Variants in MAML2 observed in about 807,000 individuals in gnomAD.
MAML2 encodes mastermind-like protein 2.
In MAML2, 22 loss-of-function variants were observed where a neutral mutation model predicts 96.1. The observed-to-expected ratio is 0.23, with a 90% CI of 0.16 to 0.33. The LOEUF (loss-of-function observed/expected upper bound fraction) is 0.33, where lower values mean the gene tolerates loss of function less well. MAML2 is among the 10% of genes least tolerant of loss of function. The probability of loss-of-function intolerance (pLI) is 1.00; values close to 1 mark genes in which losing one functional copy is unlikely to be tolerated. For missense variants in MAML2, 1,367 were observed against 1,392.4 expected (o/e 0.98, Z 0.29); for synonymous variants, 561 against 521.3 (o/e 1.08, Z -1.04).
chr11:96,195,851 C>T (rs183466298), intron 1 of MAML2, among the ~76,000 whole-genome samples: 14 of 152,276 alleles, frequency 9.2e-5, no homozygotes, highest in African/African-American at 3.1e-4. Flanking sequence ...CGACATGTTC[C>T]ACCATTTTTT....
intron 1 of MAML2, among the ~76,000 whole-genome samples, chr11:96,225,026 C>T (rs1228281378): frequency 1.3e-5 from 2 of 152,144 alleles, no homozygotes; most frequent in Non-Finnish European, 2.9e-5. Flanking sequence ...ACATGCAATT[C>T]ATGTAAATAC....
chr11:96,139,476 TAAA>T (rs1157206994), intron 1 of MAML2, among the ~76,000 whole-genome samples: 1 of 136,870 alleles, frequency 7.3e-6, no homozygotes, highest in Non-Finnish European at 1.6e-5. Flanking sequence ...GACTCTGTCT[TAAA>T]AAAAAAAAAA....
intron 1 of MAML2, among the ~76,000 whole-genome samples, chr11:96,094,273 C>T (rs1199096549): frequency 6.6e-6 from 1 of 152,196 alleles, no homozygotes; most frequent in African/African-American, 2.4e-5. Flanking sequence ...GTGTTAATTG[C>T]TTAGGCTCTG....
intron 1 of MAML2, among the ~76,000 whole-genome samples, chr11:96,148,116 C>T (rs1214299528): frequency 6.6e-6 from 1 of 152,208 alleles, no homozygotes; most frequent in Non-Finnish European, 1.5e-5. Context: ...TCTGTCACGT[C>T]GGGACATGTT....
intron 2 of MAML2, among the ~76,000 whole-genome samples, chr11:96,007,043 A>T (rs1316050528): frequency 1.4e-5 from 2 of 146,332 alleles, no homozygotes; most frequent in African/African-American, 2.5e-5. Context: ...TCACTCTGTC[A>T]CCAGGCTGGA....
At chr11:96,256,418 C>A (rs1267974874) in intron 1 of MAML2, among the ~76,000 whole-genome samples, 5 of 152,144 alleles carry the variant, frequency 3.3e-5, no homozygotes, top group Non-Finnish European at 7.3e-5. Context: ...TTTCTTCCTG[C>A]CCCACACACA....
chr11:96,133,601 G>T lies in MAML2; in HGVS notation c.514-40084C>A, dbSNP rs147647378. On this transcript the variant is annotated intron_variant, in intron 1 of 4. Coordinates refer to ENST00000524717, the MANE Select transcript of MAML2 (RefSeq NM_032427.4). ...AATATTAAAATATGGAATATTAATT[G>T]AAATATATTTTATGTTTTTAAGAAA... Among the ~76,000 whole-genome samples, 687 of 152,290 alleles carry T rather than the reference G, an allele frequency of 4.5e-3. 5 individuals are homozygous for T. Among genetic ancestry groups the T allele is most frequent in the Admixed American group, 0.01 (156 of 15,298 alleles).
intron 2 of MAML2, among the ~76,000 whole-genome samples, chr11:96,056,800 C>T (rs1859077642): frequency 6.6e-6 from 1 of 152,148 alleles, no homozygotes; most frequent in Non-Finnish European, 1.5e-5. Context: ...TGTAGGCTAC[C>T]ATTCACAATA....
At chr11:96,234,169 A>G (rs535190854) in intron 1 of MAML2, among the ~76,000 whole-genome samples, 1 of 152,310 alleles carries the variant, frequency 6.6e-6, no homozygotes, top group Non-Finnish European at 1.5e-5. Context: ...TGAGACATTG[A>G]ACACACCAAG....
At chr11:96,156,236 G>T (rs1247160831) in intron 1 of MAML2, among the ~76,000 whole-genome samples, 1 of 152,136 alleles carries the variant, frequency 6.6e-6, no homozygotes, top group Non-Finnish European at 1.5e-5. Flanking sequence ...CCCCTGCAAG[G>T]ACTGGAGATG....
chr11:96,131,172 G>A (rs1860542957), intron 1 of MAML2, among the ~76,000 whole-genome samples: 1 of 151,832 alleles, frequency 6.6e-6, no homozygotes, highest in South Asian at 2.1e-4. Flanking sequence ...GACATTCCTG[G>A]GAAAGAGAAC....
At chr11:96,091,536 T>C (rs1859705355) in intron 2 of MAML2, among the ~76,000 whole-genome samples, 1 of 152,178 alleles carries the variant, frequency 6.6e-6, no homozygotes, top group Non-Finnish European at 1.5e-5. Flanking sequence ...ACATGGTAGG[T>C]ACTCAGCAAG....
chr11:96,050,612 T>C (rs897826570), intron 2 of MAML2, among the ~76,000 whole-genome samples: 1 of 152,218 alleles, frequency 6.6e-6, no homozygotes, highest in African/African-American at 2.4e-5. Flanking sequence ...CTAGGCAACA[T>C]TGCATATGGT....
At chr11:96,121,085 G>GT (rs1227389270) in intron 1 of MAML2, among the ~76,000 whole-genome samples, 1 of 151,082 alleles carries the variant, frequency 6.6e-6, no homozygotes, top group Non-Finnish European at 1.5e-5. Context: ...CCAGAGTCAG[G>GT]GGGGAGTGAA....
intron 1 of MAML2, among the ~76,000 whole-genome samples, chr11:96,214,428 G>A (rs1862018768): frequency 1.3e-5 from 2 of 152,130 alleles, no homozygotes; most frequent in African/African-American, 2.4e-5. Flanking sequence ...ACTTTTGGGG[G>A]TTCTTATAAA....
chr11:95,982,561 A>G (rs948164), intron 4 of MAML2, among the ~76,000 whole-genome samples: 36,851 of 151,978 alleles, frequency 0.24, 4,877 homozygotes, highest in East Asian at 0.37. Context: ...GTGGAAAGAT[A>G]AAAGATGCTT....
intron 2 of MAML2, among the ~76,000 whole-genome samples, chr11:96,064,582 T>C (rs751743388): frequency 1.1e-4 from 16 of 152,234 alleles, no homozygotes; most frequent in Admixed American, 6.5e-4. Flanking sequence ...TGGGGATCTT[T>C]CCACCTCAGT....
chr11:96,170,954 G>A (rs964470018), intron 1 of MAML2, among the ~76,000 whole-genome samples: 8 of 151,906 alleles, frequency 5.3e-5, no homozygotes, highest in African/African-American at 1.9e-4. Context: ...GACCTCAAAT[G>A]ATCCGCCCGC....
chr11:96,212,621 A>G (rs1160624980), intron 1 of MAML2, among the ~76,000 whole-genome samples: 2 of 152,214 alleles, frequency 1.3e-5, no homozygotes, highest in Non-Finnish European at 2.9e-5. Context: ...GAGTTAATTC[A>G]CTGTCACCAC....
Sources: gnomAD v4.1 joint callset for allele counts (sites outside exome capture counted in the v4.1 genomes callset) on GRCh38, gnomAD v4.1.1 for gene constraint, MANE v1.5 for transcripts, NCBI Gene and HGNC (gene_info 2026-07-23, HGNC 2026-07-21) for gene names.